Variants in NEK7 observed in about 807,000 individuals in gnomAD.
NEK7 encodes the protein NIMA related kinase 7.
NEK7 carries 18 observed loss-of-function variants against 44.6 expected under a neutral mutation model. The ratio of observed to expected loss-of-function variants is 0.40; its 90% CI spans 0.28 to 0.60. The LOEUF (loss-of-function observed/expected upper bound fraction) is 0.60. Among genes scored for constraint, NEK7 ranks in the 20% least tolerant of loss-of-function variants. The pLI is 0.38. For synonymous variants in NEK7, 130 were observed against 121.1 expected (o/e 1.07, Z -0.48); for missense variants, 256 against 366.5 (o/e 0.70, Z 2.46).
At chr1:198,254,475 C>G (rs763317591) in intron 3 of NEK7, among the ~76,000 whole-genome samples, 2 of 152,052 alleles carry the variant, frequency 1.3e-5, no homozygotes, top group East Asian at 3.8e-4. Context: ...ACACAGCTTG[C>G]TTTTTTCACA....
intron 5 of NEK7, 59 bp from the exon 6 acceptor site, chr1:198,277,902 C>A (rs914828297): frequency 2.1e-5 from 20 of 943,244 alleles, no homozygotes; most frequent in Middle Eastern, 3.2e-4. Context: ...TTTTGCTTAC[C>A]AGAATCCAGT....
chr1:198,237,955 C>G (rs1303669474), intron 2 of NEK7, among the ~76,000 whole-genome samples: 1 of 152,160 alleles, frequency 6.6e-6, no homozygotes, highest in Non-Finnish European at 1.5e-5. Context: ...TAAGCTCTCT[C>G]CCTAGTCCCA....
At chr1:198,266,182 G>A (rs1299843266) in intron 5 of NEK7, among the ~76,000 whole-genome samples, 1 of 152,050 alleles carries the variant, frequency 6.6e-6, no homozygotes. Flanking sequence ...TATTCTTACA[G>A]AGAAATCTCA....
intron 1 of NEK7, among the ~76,000 whole-genome samples, chr1:198,228,947 G>A (rs909150914): frequency 2.0e-5 from 3 of 152,128 alleles, no homozygotes; most frequent in Non-Finnish European, 2.9e-5. Context: ...TCTTGTGCCC[G>A]TTTTCAAAGG....
chr1:198,210,920 T>G (rs1247272415), intron 1 of NEK7, among the ~76,000 whole-genome samples: 3 of 151,650 alleles, frequency 2.0e-5, no homozygotes, highest in African/African-American at 7.2e-5. Context: ...GCCCGGCTAA[T>G]TTTTTGTATT....
intron 7 of NEK7, among the ~76,000 whole-genome samples, chr1:198,282,240 T>C (rs1654223730): frequency 6.6e-6 from 1 of 152,116 alleles, no homozygotes; most frequent in African/African-American, 2.4e-5. Flanking sequence ...TAGAGTTATC[T>C]TCCTCAAAGA....
At chr1:198,289,141 G>A (rs879940063) in intron 7 of NEK7, among the ~76,000 whole-genome samples, 17,978 of 126,606 alleles carry the variant, frequency 0.14, 1,336 homozygotes, top group African/African-American at 0.22. Flanking sequence ...TTGTGTGTGT[G>A]TGTGTGTGTG....
intron 1 of NEK7, among the ~76,000 whole-genome samples, chr1:198,221,911 AAATGAAGATAGTTATCTAGTAT>A (rs1666085801): frequency 6.6e-6 from 1 of 151,796 alleles, no homozygotes; most frequent in Non-Finnish European, 1.5e-5. Context: ...TTCAGTTTTT[AAATGAAGATAGTTATCTAGTAT>A]AATGTTATCT....
intron 2 of NEK7, among the ~76,000 whole-genome samples, chr1:198,249,136 C>T (rs1039668473): frequency 9.5e-5 from 14 of 147,048 alleles, no homozygotes; most frequent in Admixed American, 5.6e-4. Flanking sequence ...TGAGAATATG[C>T]GGTGTTTGGT....
intron 5 of NEK7, among the ~76,000 whole-genome samples, chr1:198,275,573 A>G (rs963026067): frequency 9.2e-5 from 14 of 151,366 alleles, no homozygotes; most frequent in Non-Finnish European, 1.6e-4. Flanking sequence ...TTTTCAAACA[A>G]TAATGCTCTT....
At chr1:198,230,639 C>T (rs543000709) in intron 1 of NEK7, among the ~76,000 whole-genome samples, 1 of 152,118 alleles carries the variant, frequency 6.6e-6, no homozygotes, top group Admixed American at 6.5e-5. Context: ...CTGCTCTCTA[C>T]TTCTATTCAT....
At position 198,313,282 on chromosome 1, in the gene NEK7, G is replaced by C. The variant is rs192854145; in HGVS notation, c.799-6130G>C. Among the ~76,000 whole-genome samples, 44 of 151,312 alleles carry C rather than the reference G, an allele frequency of 2.9e-4. No homozygotes were observed. The South Asian group carries it at 7.8e-3, about 27-fold the overall frequency. On this transcript the variant is annotated intron_variant, in intron 9 of 9. Coordinates refer to ENST00000367385, the MANE Select transcript of NEK7 (RefSeq NM_133494.3). Reference sequence around the variant, plus strand: ...GCCACCCCTCCCTTTTTTTGTTTTCGATTTGCTTGGTAGATCTTCCTCCAT... The same window carrying C: ...GCCACCCCTCCCTTTTTTTGTTTTCCATTTGCTTGGTAGATCTTCCTCCAT...
chr1:198,192,720 A>T (rs1268917251), intron 1 of NEK7, among the ~76,000 whole-genome samples: 2 of 152,210 alleles, frequency 1.3e-5, no homozygotes, highest in African/African-American at 4.8e-5. Context: ...ACTCCTGGGT[A>T]AATAATGAAA....
At chr1:198,311,898 C>T (rs1375842657) in intron 9 of NEK7, among the ~76,000 whole-genome samples, 9 of 151,862 alleles carry the variant, frequency 5.9e-5, no homozygotes, top group African/African-American at 1.9e-4. Context: ...TCTAAAATTC[C>T]CTTTTTTGGT....
At chr1:198,161,597 C>T (rs565420154) in intron 1 of NEK7, among the ~76,000 whole-genome samples, 16 of 152,272 alleles carry the variant, frequency 1.1e-4, no homozygotes, top group African/African-American at 3.9e-4. Context: ...ACAGTTCCCT[C>T]AGAATAATAC....
chr1:198,212,809 A>T (rs1451503104), intron 1 of NEK7, among the ~76,000 whole-genome samples: 1 of 152,248 alleles, frequency 6.6e-6, no homozygotes, highest in Non-Finnish European at 1.5e-5. Context: ...GCTGGAGGCC[A>T]ACCAGCACAG....
At chr1:198,181,420 G>A (rs1192278383) in intron 1 of NEK7, among the ~76,000 whole-genome samples, 2 of 152,032 alleles carry the variant, frequency 1.3e-5, no homozygotes. Flanking sequence ...AATGTATACA[G>A]CATGACTTGA....
At chr1:198,234,728 ATGCCTCCTGCTGC>A (rs1240816508) in intron 2 of NEK7, among the ~76,000 whole-genome samples, 1 of 152,160 alleles carries the variant, frequency 6.6e-6, no homozygotes, top group Non-Finnish European at 1.5e-5. Flanking sequence ...CCTTTCGTTT[ATGCCTCCTGCTGC>A]TGCTCCTGTG....
At chr1:198,214,840 A>G (rs1320474540) in intron 1 of NEK7, among the ~76,000 whole-genome samples, 2 of 152,148 alleles carry the variant, frequency 1.3e-5, no homozygotes, top group African/African-American at 2.4e-5. Flanking sequence ...CTCCTGGGAG[A>G]CTTATTACAA....
Sources: gnomAD v4.1 joint callset for allele counts (sites outside exome capture counted in the v4.1 genomes callset) on GRCh38, gnomAD v4.1.1 for gene constraint, MANE v1.5 for transcripts, NCBI Gene and HGNC (gene_info 2026-07-23, HGNC 2026-07-21) for gene names.